GALNT13: variants seen among roughly 807,000 people sequenced by gnomAD.
GALNT13 encodes the protein UDP-GalNAc:polypeptide N-acetylgalactosaminyltransferase 13.
In GALNT13, 28 loss-of-function variants were observed where a neutral mutation model predicts 64.2. The ratio of observed to expected loss-of-function variants is 0.44; its 90% CI spans 0.32 to 0.60. The LOEUF (loss-of-function observed/expected upper bound fraction) is 0.60, where lower values mean the gene tolerates loss of function less well. Among genes scored for constraint, GALNT13 ranks in the 20% least tolerant of loss-of-function variants. The pLI is 0.05. For synonymous variants in GALNT13, 214 were observed against 224.6 expected (o/e 0.95, Z 0.42); for missense variants, 577 against 669.8 (o/e 0.86, Z 1.53).
the GALNT13 span, among the ~76,000 whole-genome samples, chr2:153,389,651 A>C: frequency 9.2e-5 from 14 of 152,214 alleles, no homozygotes; most frequent in South Asian, 2.7e-3. Context: ...GATGTGCAAC[A>C]AAGAGTCCTA....
At chr2:153,960,129 G>A (rs1349056979) in intron 3 of GALNT13, among the ~76,000 whole-genome samples, 2 of 152,222 alleles carry the variant, frequency 1.3e-5, no homozygotes, top group Non-Finnish European at 2.9e-5. Context: ...CAGACCTCAA[G>A]TGTTACAACT....
At chr2:153,653,407 A>G in the GALNT13 span, among the ~76,000 whole-genome samples, 1 of 152,208 alleles carries the variant, frequency 6.6e-6, no homozygotes, top group African/African-American at 2.4e-5. Flanking sequence ...TGGGAAAACC[A>G]TGACCTTGAG....
the GALNT13 span, among the ~76,000 whole-genome samples, chr2:153,370,076 C>G: frequency 1.9e-4 from 29 of 151,952 alleles, no homozygotes; most frequent in African/African-American, 7.0e-4. Context: ...AATTCTATGC[C>G]CATAAATTTG....
chr2:153,454,198 A>G, the GALNT13 span, among the ~76,000 whole-genome samples: 10 of 152,156 alleles, frequency 6.6e-5, no homozygotes, highest in African/African-American at 9.7e-5. Context: ...GACAAGATCA[A>G]TTGTACCCCG....
chr2:153,884,288 G>A (rs1686982585), intron 1 of GALNT13, among the ~76,000 whole-genome samples: 1 of 151,244 alleles, frequency 6.6e-6, no homozygotes, highest in Non-Finnish European at 1.5e-5. Context: ...AAAAAAAAAT[G>A]TGATTATGCT....
At chr2:153,647,440 C>A in the GALNT13 span, among the ~76,000 whole-genome samples, 1 of 152,110 alleles carries the variant, frequency 6.6e-6, no homozygotes, top group African/African-American at 2.4e-5. Flanking sequence ...ATGGTAGTTT[C>A]TTTTGCTGTG....
At chr2:153,624,856 G>A in the GALNT13 span, among the ~76,000 whole-genome samples, 1 of 143,658 alleles carries the variant, frequency 7.0e-6, no homozygotes, top group Non-Finnish European at 1.5e-5. Flanking sequence ...ACATTTTGTA[G>A]TATTTTGTTT....
chr2:154,193,994 T>C (rs1305699149), intron 4 of GALNT13, among the ~76,000 whole-genome samples: 1 of 152,122 alleles, frequency 6.6e-6, no homozygotes, highest in East Asian at 1.9e-4. Context: ...CAGTTATTAT[T>C]ACCATCGTAA....
chr2:154,011,782 G>A (rs1006324628), intron 3 of GALNT13, among the ~76,000 whole-genome samples: 4 of 152,068 alleles, frequency 2.6e-5, no homozygotes, highest in African/African-American at 9.7e-5. Context: ...AGGATAGTTA[G>A]GTCTTCTTGT....
chr2:153,805,138 AAAG>A, the GALNT13 span, among the ~76,000 whole-genome samples: 40 of 152,094 alleles, frequency 2.6e-4, 1 homozygote, highest in South Asian at 7.2e-3. Flanking sequence ...AAAAATTTAA[AAAG>A]AAATGAAAAG....
At chr2:154,216,192 G>A (rs1356092201) in intron 4 of GALNT13, among the ~76,000 whole-genome samples, 4 of 151,838 alleles carry the variant, frequency 2.6e-5, no homozygotes, top group Non-Finnish European at 5.9e-5. Context: ...GCTTTATTTA[G>A]GTTTGAAAAC....
chr2:153,664,720 C>T, the GALNT13 span, among the ~76,000 whole-genome samples: 4 of 152,226 alleles, frequency 2.6e-5, no homozygotes, highest in Admixed American at 6.5e-5. Context: ...AATAAATGTC[C>T]GTGAAATCTT....
chr2:153,530,387 A>G, the GALNT13 span, among the ~76,000 whole-genome samples: 3 of 152,182 alleles, frequency 2.0e-5, no homozygotes, highest in Admixed American at 1.3e-4. Context: ...CAAAAAATTG[A>G]AAGACATTCC....
chr2:153,348,851 A>G, the GALNT13 span, among the ~76,000 whole-genome samples: 1 of 152,210 alleles, frequency 6.6e-6, no homozygotes, highest in Non-Finnish European at 1.5e-5. Flanking sequence ...AGTCTTCCAC[A>G]TCAGGTGAGA....
At chr2:153,514,148 T>A in the GALNT13 span, among the ~76,000 whole-genome samples, 1 of 152,170 alleles carries the variant, frequency 6.6e-6, no homozygotes, top group Non-Finnish European at 1.5e-5. Flanking sequence ...TCCTCATATA[T>A]CTTATCTCCT....
At chr2:153,496,908 C>T in the GALNT13 span, among the ~76,000 whole-genome samples, 2 of 148,176 alleles carry the variant, frequency 1.3e-5, no homozygotes, top group Non-Finnish European at 3.0e-5. Flanking sequence ...GCAGGAGAAT[C>T]GCTTGAACCC....
At chr2:153,523,015 T>C in the GALNT13 span, among the ~76,000 whole-genome samples, 1 of 151,400 alleles carries the variant, frequency 6.6e-6, no homozygotes, top group African/African-American at 2.4e-5. Context: ...AGTTATTTTT[T>C]GTGAAGGATG....
chr2:153,399,381 C>T, the GALNT13 span, among the ~76,000 whole-genome samples: 26 of 152,058 alleles, frequency 1.7e-4, no homozygotes, highest in African/African-American at 5.6e-4. Flanking sequence ...TTGTTCTTTT[C>T]GCTTAGGATT....
chr2:154,330,502 A>G (rs17205032), intron 9 of GALNT13, among the ~76,000 whole-genome samples: 30,089 of 152,120 alleles, frequency 0.2, 3,415 homozygotes, highest in Middle Eastern at 0.36. Context: ...CCTAATTTAT[A>G]TACAGCTGAT....
Sources: allele counts gnomAD v4.1 joint callset (sites outside exome capture counted in the v4.1 genomes callset), GRCh38; gene constraint gnomAD v4.1.1; transcripts MANE v1.5; gene names NCBI Gene and HGNC (gene_info 2026-07-23, HGNC 2026-07-21).